The following DPP10 variants were observed in gnomAD, a reference collection of about 807,000 sequenced individuals.
DPP10 encodes dipeptidyl peptidase like 10.
DPP10 carries 33 observed loss-of-function variants against 120.9 expected under a neutral mutation model. The ratio of observed to expected loss-of-function variants is 0.27; its 90% CI spans 0.21 to 0.37. DPP10 has a LOEUF of 0.37. DPP10 is among the 10% of genes least tolerant of loss of function. DPP10 has a pLI of 1.00. For synonymous variants in DPP10, 337 were observed against 326.1 expected (o/e 1.03, Z -0.36); for missense variants, 816 against 942.8 (o/e 0.87, Z 1.76).
chr2:115,299,340 G>A (rs1214639036), intron 1 of DPP10, among the ~76,000 whole-genome samples: 7 of 152,002 alleles, frequency 4.6e-5, no homozygotes, highest in Non-Finnish European at 7.4e-5. Flanking sequence ...TTGGAAGAGT[G>A]GCTGGCAAAT....
At chr2:115,578,816 G>T (rs879280712) in intron 5 of DPP10, among the ~76,000 whole-genome samples, 1 of 152,142 alleles carries the variant, frequency 6.6e-6, no homozygotes, top group Non-Finnish European at 1.5e-5. Flanking sequence ...TATGGAATCA[G>T]TTCATCAAGG....
Position 115,457,642 on chromosome 2 carries a change from A to T in DPP10, c.272-41868A>T, listed in dbSNP as rs1052121783. 5.4e-5 allele frequency among the ~76,000 whole-genome samples: 8 copies of T among 147,836 alleles called. No homozygotes were observed. In the Admixed American group the frequency reaches 5.6e-4, roughly 10 times the overall value. On this transcript the variant is annotated intron_variant, in intron 3 of 25. Coordinates refer to ENST00000410059, the MANE Select transcript of DPP10 (RefSeq NM_020868.6). ...TAAAAACATAATGAAATACCTCTATATATCTACAAGAATACCTATAATCAA... is the reference window on the plus strand; with the variant it reads ...TAAAAACATAATGAAATACCTCTATTTATCTACAAGAATACCTATAATCAA...
At position 115,718,917 on chromosome 2, in the gene DPP10, T is replaced by C. The variant is rs566065387; in HGVS notation, c.577-8899T>C. Among the ~76,000 whole-genome samples the C allele has an allele frequency of 7.2e-5, 11 of 152,256 alleles. No homozygotes were observed. The South Asian group carries it at 2.3e-3, about 32-fold the overall frequency. ...CTAGATAAAACCATCTTCTAGCACT[T>C]CGACCCGCATAAATCAACACATAAG... On this transcript the variant is annotated intron_variant, in intron 7 of 25. Transcript: ENST00000410059.
At chr2:114,966,877 A>C (rs1228880757) in intron 1 of DPP10, among the ~76,000 whole-genome samples, 1 of 152,078 alleles carries the variant, frequency 6.6e-6, no homozygotes, top group African/African-American at 2.4e-5. Context: ...CCCTGCCTCT[A>C]CTTAAAATAC....
chr2:115,699,157 T>C (rs1170646214), intron 7 of DPP10, among the ~76,000 whole-genome samples: 2 of 150,862 alleles, frequency 1.3e-5, no homozygotes, highest in Admixed American at 6.6e-5. Context: ...TGTATACCAA[T>C]AAACTGGATA....
intron 7 of DPP10, among the ~76,000 whole-genome samples, chr2:115,716,361 T>C (rs1348347718): frequency 1.3e-5 from 2 of 152,210 alleles, no homozygotes; most frequent in African/African-American, 2.4e-5. Context: ...TATTGTGATG[T>C]AGTTATGTAT....
intron 1 of DPP10, among the ~76,000 whole-genome samples, chr2:115,175,758 A>G (rs1309069993): frequency 1.3e-5 from 2 of 151,846 alleles, no homozygotes; most frequent in African/African-American, 4.9e-5. Context: ...TCATGTTTAA[A>G]CACTTGAATT....
intron 3 of DPP10, among the ~76,000 whole-genome samples, chr2:115,350,217 TATTA>T (rs1164381434): frequency 6.6e-6 from 1 of 152,104 alleles, no homozygotes; most frequent in African/African-American, 2.4e-5. Flanking sequence ...GCAGATAATA[TATTA>T]ATTGAAAATA....
chr2:114,577,141 T>C (rs1690118916), intron 1 of DPP10, among the ~76,000 whole-genome samples: 1 of 152,214 alleles, frequency 6.6e-6, no homozygotes, highest in African/African-American at 2.4e-5. Flanking sequence ...TTCTCCCTCA[T>C]CTGTGCAGCA....
At chr2:115,031,480 C>G (rs999031086) in intron 1 of DPP10, among the ~76,000 whole-genome samples, 1 of 152,142 alleles carries the variant, frequency 6.6e-6, no homozygotes, top group Non-Finnish European at 1.5e-5. Flanking sequence ...AGGGAATAAA[C>G]AGAAGGAAAT....
At chr2:114,978,343 G>A (rs911174965) in intron 1 of DPP10, among the ~76,000 whole-genome samples, 7 of 152,044 alleles carry the variant, frequency 4.6e-5, no homozygotes, top group Non-Finnish European at 8.8e-5. Context: ...TCAGTAGGTC[G>A]GGGAAATGAC....
At position 114,595,013 on chromosome 2, in the gene DPP10, T is replaced by C. The variant is rs544375994; in HGVS notation, c.60+152175T>C. 8.6e-4 allele frequency among the ~76,000 whole-genome samples: 131 copies of C among 152,264 alleles called. 1 individual carries two copies. The highest frequency in any genetic ancestry group is 1.5e-3 in the Non-Finnish European group (101 of 68,024). On this transcript the variant is annotated intron_variant, in intron 1 of 25. Coordinates refer to ENST00000410059, the MANE Select transcript of DPP10 (RefSeq NM_020868.6). ...TCTCTCTTGGTGTTTGTTCTATGCT[T>C]TCTTGTAAAAAAACATGTTGGCCTC...
At chr2:114,648,192 T>C (rs80304236) in intron 1 of DPP10, among the ~76,000 whole-genome samples, 17,794 of 152,152 alleles carry the variant, frequency 0.12, 1,452 homozygotes, top group Admixed American at 0.25. Flanking sequence ...GACACTTGAG[T>C]GACAAGGGCA....
chr2:115,778,944 G>C (rs1484337677), intron 15 of DPP10, among the ~76,000 whole-genome samples: 1 of 151,922 alleles, frequency 6.6e-6, no homozygotes, highest in Non-Finnish European at 1.5e-5. Context: ...TCAAAGTACT[G>C]GTCACTTTTT....
chr2:115,534,799 C>T (rs1198210937), intron 5 of DPP10, among the ~76,000 whole-genome samples: 2 of 151,184 alleles, frequency 1.3e-5, no homozygotes, highest in Non-Finnish European at 2.9e-5. Context: ...TTAATGATTG[C>T]CATTCTAACT....
chr2:115,511,866 A>G, intron 4 of DPP10, among the ~76,000 whole-genome samples: 1 of 149,928 alleles, frequency 6.7e-6, no homozygotes, highest in Non-Finnish European at 1.5e-5. Context: ...TATCTGCACT[A>G]CAGATGTGTG....
intron 1 of DPP10, among the ~76,000 whole-genome samples, chr2:114,876,832 C>G (rs1284097732): frequency 1.3e-5 from 2 of 152,062 alleles, no homozygotes; most frequent in East Asian, 3.9e-4. Context: ...ACATAATTCA[C>G]AAGACCCATT....
At chr2:115,376,848 A>AG in intron 3 of DPP10, among the ~76,000 whole-genome samples, 1 of 150,066 alleles carries the variant, frequency 6.7e-6, no homozygotes, top group Non-Finnish European at 1.5e-5. Context: ...GATGATTTCC[A>AG]ATTTCATCCA....
chr2:115,665,637 T>C (rs769591898), intron 5 of DPP10, among the ~76,000 whole-genome samples: 2 of 152,168 alleles, frequency 1.3e-5, no homozygotes, highest in African/African-American at 2.4e-5. Flanking sequence ...TTATGTATCT[T>C]GCTATATTTT....
Sources: gnomAD v4.1 joint callset for allele counts (sites outside exome capture counted in the v4.1 genomes callset) on GRCh38, gnomAD v4.1.1 for gene constraint, MANE v1.5 for transcripts, NCBI Gene and HGNC (gene_info 2026-07-23, HGNC 2026-07-21) for gene names.